Variants in GUCY1A1 observed in about 807,000 individuals in gnomAD.
The protein encoded by GUCY1A1 is guanylate cyclase soluble subunit alpha-1.
Under a neutral mutation model 64.5 loss-of-function variants are expected in GUCY1A1, and 48 were observed. The ratio of observed to expected loss-of-function variants is 0.74; its 90% CI spans 0.59 to 0.95. The LOEUF (loss-of-function observed/expected upper bound fraction) is 0.95, where lower values mean the gene tolerates loss of function less well. GUCY1A1 is among the 40% of genes least tolerant of loss of function. The pLI is 0.00. For missense variants in GUCY1A1, 804 were observed against 825.3 expected (o/e 0.97, Z 0.32); for synonymous variants, 308 against 303.4 (o/e 1.02, Z -0.16).
At chr4:155,688,387 A>C (rs191386773) in intron 2 of GUCY1A1, among the ~76,000 whole-genome samples, 1 of 152,296 alleles carries the variant, frequency 6.6e-6, no homozygotes, top group Admixed American at 6.5e-5. Context: ...TGCCTGACCA[A>C]AATTTAAAAG....
chr4:155,701,124 T>G (rs1469383696), intron 3 of GUCY1A1, among the ~76,000 whole-genome samples: 6 of 152,170 alleles, frequency 3.9e-5, no homozygotes, highest in Non-Finnish European at 7.3e-5. Context: ...ACCAGCAGCC[T>G]CTACCAATAA....
At chr4:155,714,971 A>G (rs1733043135) in intron 7 of GUCY1A1, among the ~76,000 whole-genome samples, 1 of 152,166 alleles carries the variant, frequency 6.6e-6, no homozygotes, top group Non-Finnish European at 1.5e-5. Flanking sequence ...AAACTGCTGT[A>G]ATTGCTAACA....
At chr4:155,710,444 TA>T in intron 5 of GUCY1A1, 97 bp from the exon 6 acceptor site, 2 of 749,646 alleles carry the variant, frequency 2.7e-6, no homozygotes, top group Non-Finnish European at 4.5e-6. Context: ...TAAAGGGAGC[TA>T]AATCAGCAAA....
chr4:155,676,301 T>G (rs61071181), intron 2 of GUCY1A1, among the ~76,000 whole-genome samples: 367 of 9,592 alleles, frequency 0.038, 4 homozygotes, highest in East Asian at 0.27. Flanking sequence ...GAAGAGCTGG[T>G]TTTTTTTTTT....
At chr4:155,667,724 G>C (rs1267078555) in intron 2 of GUCY1A1, 1 of 151,362 alleles carries the variant, frequency 6.6e-6, no homozygotes, top group Non-Finnish European at 1.5e-5. Flanking sequence ...CGGGCCGTGA[G>C]AACGCGCGGG....
chr4:155,677,218 AG>A (rs1466888869), intron 2 of GUCY1A1, among the ~76,000 whole-genome samples: 2 of 152,228 alleles, frequency 1.3e-5, no homozygotes, highest in Non-Finnish European at 2.9e-5. Context: ...AAAGATTCTA[AG>A]GGAAGATTAG....
In GUCY1A1 at chr4:155,733,958, G is replaced by A. The variant is rs1368141576; in HGVS notation, c.*3727G>A. Among the ~76,000 whole-genome samples, 1 of 151,822 alleles carries A rather than the reference G, an allele frequency of 6.6e-6. No homozygotes were observed. Among genetic ancestry groups the A allele is most frequent in the Admixed American group, 6.6e-5 (1 of 15,200 alleles). ...TATGAGCATAAAGCTGGGATGTCTG[G>A]CATTGGAATTTTATGTCACTCTCAA... On this transcript the variant is annotated 3_prime_UTR_variant, in exon 10 of 10. Transcript: ENST00000506455.
intron 2 of GUCY1A1, among the ~76,000 whole-genome samples, chr4:155,692,611 T>C (rs755494400): frequency 3.9e-5 from 6 of 152,228 alleles, no homozygotes; most frequent in Admixed American, 1.3e-4. Context: ...TTTTGAAAAG[T>C]GTCTTTTTCT....
chr4:155,703,895 TA>T, intron 3 of GUCY1A1, 36 bp from the exon 4 acceptor site: 2 of 1,304,378 alleles, frequency 1.5e-6, no homozygotes, highest in Non-Finnish European at 2.2e-6. Context: ...AATTATTATA[TA>T]AGGGAATGTT....
chr4:155,702,939 A>T (rs903423564), intron 3 of GUCY1A1, among the ~76,000 whole-genome samples: 1 of 151,076 alleles, frequency 6.6e-6, no homozygotes, highest in Non-Finnish European at 1.5e-5. Context: ...TGGGGAAACT[A>T]TAGAAAGAAT....
intron 3 of GUCY1A1, among the ~76,000 whole-genome samples, chr4:155,700,756 C>T (rs1730979298): frequency 6.6e-6 from 1 of 152,032 alleles, no homozygotes; most frequent in Middle Eastern, 3.2e-3. Context: ...GGATCTGTTC[C>T]CCCAAAATTC....
chr4:155,703,078 T>C (rs987524397), intron 3 of GUCY1A1, among the ~76,000 whole-genome samples: 7 of 152,078 alleles, frequency 4.6e-5, no homozygotes, highest in Admixed American at 2.0e-4. Flanking sequence ...TGGACAACAC[T>C]GCTTATCAAT....
chr4:155,700,486 A>T (rs1730941650), intron 3 of GUCY1A1, among the ~76,000 whole-genome samples: 1 of 152,218 alleles, frequency 6.6e-6, no homozygotes, highest in Non-Finnish European at 1.5e-5. Context: ...TTTTATTAAA[A>T]TTCACATTGT....
intron 9 of GUCY1A1, 131 bp downstream of exon 9, chr4:155,722,323 CTT>C: frequency 6.9e-7 from 1 of 1,445,368 alleles, no homozygotes; most frequent in Non-Finnish European, 9.1e-7. Flanking sequence ...AACGTGATAA[CTT>C]TTATCATCCT....
At chr4:155,694,307 C>A (rs566976579) in intron 2 of GUCY1A1, among the ~76,000 whole-genome samples, 45 of 152,096 alleles carry the variant, frequency 3.0e-4, no homozygotes, top group Non-Finnish European at 4.6e-4. Context: ...CTTTGTGAAG[C>A]CAGGGCAGGA....
intron 3 of GUCY1A1, among the ~76,000 whole-genome samples, chr4:155,700,487 T>A (rs1730942048): frequency 6.6e-6 from 1 of 152,198 alleles, no homozygotes; most frequent in Non-Finnish European, 1.5e-5. Context: ...TTTATTAAAA[T>A]TCACATTGTT....
chr4:155,675,847 A>G (rs1734829785), intron 2 of GUCY1A1, among the ~76,000 whole-genome samples: 1 of 151,490 alleles, frequency 6.6e-6, no homozygotes, highest in South Asian at 2.1e-4. Context: ...ATCTTAACCT[A>G]GACTGGTTAC....
At chr4:155,673,177 T>G (rs546823266) in intron 2 of GUCY1A1, among the ~76,000 whole-genome samples, 1 of 151,594 alleles carries the variant, frequency 6.6e-6, no homozygotes, top group East Asian at 1.9e-4. Flanking sequence ...TCAACTTATT[T>G]TATGTCTTAT....
intron 3 of GUCY1A1, among the ~76,000 whole-genome samples, chr4:155,703,719 T>A (rs1731383847): frequency 2.6e-5 from 4 of 152,196 alleles, no homozygotes; most frequent in African/African-American, 4.8e-5. Flanking sequence ...AATCTCAGAT[T>A]AGTCTCAGCA....
Sources: allele counts gnomAD v4.1 joint callset (sites outside exome capture counted in the v4.1 genomes callset), GRCh38; gene constraint gnomAD v4.1.1; transcripts MANE v1.5; gene names NCBI Gene and HGNC (gene_info 2026-07-23, HGNC 2026-07-21).